Variants in SEMA6D observed in about 807,000 individuals in gnomAD.
SEMA6D encodes semaphorin-6D.
In SEMA6D, 35 loss-of-function variants were observed where a neutral mutation model predicts 106.6. That is an observed-to-expected ratio of 0.33 (90% CI 0.25 to 0.44). The LOEUF (loss-of-function observed/expected upper bound fraction) is 0.44. Among genes scored for constraint, SEMA6D ranks in the 20% least tolerant of loss-of-function variants. SEMA6D has a pLI of 1.00. For synonymous variants in SEMA6D, 499 were observed against 487.7 expected, an observed-to-expected ratio of 1.02 and a Z score of -0.31; for missense variants, 1,185 against 1,345.9, an observed-to-expected ratio of 0.88 and a Z score of 1.87.
At chr15:47,448,574 C>G (rs914780306) in intron 2 of SEMA6D, among the ~76,000 whole-genome samples, 3 of 152,118 alleles carry the variant, frequency 2.0e-5, no homozygotes, top group Non-Finnish European at 4.4e-5. Context: ...ATCTATTTAT[C>G]ACAATATTTT....
intron 1 of SEMA6D, among the ~76,000 whole-genome samples, chr15:47,377,275 G>A (rs547581714): frequency 6.6e-6 from 1 of 152,188 alleles, no homozygotes; most frequent in Non-Finnish European, 1.5e-5. Flanking sequence ...CGAATGAAAT[G>A]ATTTCAGGGA....
At chr15:47,357,379 T>C (rs976014794) in intron 1 of SEMA6D, among the ~76,000 whole-genome samples, 8 of 152,008 alleles carry the variant, frequency 5.3e-5, no homozygotes, top group Non-Finnish European at 8.8e-5. Flanking sequence ...CTGTGCATTA[T>C]ATATTGGCAA....
intron 4 of SEMA6D, among the ~76,000 whole-genome samples, chr15:47,607,661 T>C (rs1408008824): frequency 6.6e-6 from 1 of 152,260 alleles, no homozygotes; most frequent in Non-Finnish European, 1.5e-5. Context: ...TTCAGCCCTC[T>C]GTTTTATAAA....
chr15:47,275,517 A>G (rs1354473198), intron 1 of SEMA6D, among the ~76,000 whole-genome samples: 1 of 151,882 alleles, frequency 6.6e-6, no homozygotes, highest in Non-Finnish European at 1.5e-5. Flanking sequence ...TTATTATTAT[A>G]TTTGTTTTGG....
intron 9 of SEMA6D, 36 bp from the exon 10 acceptor site, chr15:47,763,814 C>T (rs2023971416): frequency 3.2e-6 from 5 of 1,562,054 alleles, no homozygotes; most frequent in Middle Eastern, 2.2e-4. Flanking sequence ...TTTCCATGCT[C>T]ATAACCCCAT....
At chr15:47,281,992 C>A (rs1020609288) in intron 1 of SEMA6D, among the ~76,000 whole-genome samples, 1 of 152,088 alleles carries the variant, frequency 6.6e-6, no homozygotes, top group African/African-American at 2.4e-5. Flanking sequence ...TTACACTATA[C>A]CCTATCCTTC....
At chr15:47,495,164 G>C (rs957865218) in intron 3 of SEMA6D, among the ~76,000 whole-genome samples, 9 of 151,762 alleles carry the variant, frequency 5.9e-5, no homozygotes, top group Non-Finnish European at 1.2e-4. Context: ...ACTGGAAGTC[G>C]TTCTTATGGT....
chr15:47,519,867 A>G (rs1176088805), intron 3 of SEMA6D, among the ~76,000 whole-genome samples: 1 of 152,212 alleles, frequency 6.6e-6, no homozygotes, highest in Non-Finnish European at 1.5e-5. Context: ...TCTTGGGAGA[A>G]ATACATGGTG....
intron 3 of SEMA6D, among the ~76,000 whole-genome samples, chr15:47,595,387 C>T (rs2076514259): frequency 6.6e-6 from 1 of 152,186 alleles, no homozygotes; most frequent in Non-Finnish European, 1.5e-5. Flanking sequence ...TATAGATTCA[C>T]ATATGTTGAA....
At chr15:47,725,186 T>C (rs2079662654) in intron 1 of SEMA6D, among the ~76,000 whole-genome samples, 1 of 152,202 alleles carries the variant, frequency 6.6e-6, no homozygotes, top group Non-Finnish European at 1.5e-5. Flanking sequence ...AGTTGGACTC[T>C]AGGTGCTGCT....
intron 12 of SEMA6D, 32 bp from the exon 13 acceptor site, chr15:47,764,851 C>T: frequency 6.2e-7 from 1 of 1,613,464 alleles, no homozygotes. Flanking sequence ...CCGTTGGCCT[C>T]CCCTTCTGAT....
At chr15:47,748,620 T>A (rs1218435254) in intron 1 of SEMA6D, among the ~76,000 whole-genome samples, 1 of 152,326 alleles carries the variant, frequency 6.6e-6, no homozygotes, top group East Asian at 1.9e-4. Flanking sequence ...TAGACAGTTT[T>A]CAGGAAGGAC....
intron 1 of SEMA6D, among the ~76,000 whole-genome samples, chr15:47,289,620 A>G (rs1474929257): frequency 6.6e-6 from 1 of 152,054 alleles, no homozygotes; most frequent in African/African-American, 2.4e-5. Context: ...TGTTGTTTCT[A>G]TAGAAGTGGA....
intron 4 of SEMA6D, among the ~76,000 whole-genome samples, chr15:47,691,455 A>T (rs1410981512): frequency 6.6e-6 from 1 of 152,192 alleles, no homozygotes; most frequent in African/African-American, 2.4e-5. Context: ...TGTTAGTCTC[A>T]TGATGAAATG....
At chr15:47,703,114 C>T (rs200685097) in intron 4 of SEMA6D, among the ~76,000 whole-genome samples, 2 of 152,118 alleles carry the variant, frequency 1.3e-5, no homozygotes, top group African/African-American at 2.4e-5. Flanking sequence ...CAAATTTCCA[C>T]GTACGACTTT....
chr15:47,191,150 A>G (rs66992977), intron 1 of SEMA6D, among the ~76,000 whole-genome samples: 65,691 of 151,480 alleles, frequency 0.43, 15,561 homozygotes, highest in Middle Eastern at 0.55. Flanking sequence ...CTCTAGCCTG[A>G]GCAACAGAGT....
chr15:47,699,929 A>T (rs148613736), intron 4 of SEMA6D, among the ~76,000 whole-genome samples: 1 of 152,366 alleles, frequency 6.6e-6, no homozygotes, highest in African/African-American at 2.4e-5. Flanking sequence ...AATTATAACA[A>T]GGTTGCAGGA....
At chr15:47,451,208 G>C (rs2042182071) in intron 2 of SEMA6D, among the ~76,000 whole-genome samples, 1 of 152,040 alleles carries the variant, frequency 6.6e-6, no homozygotes. Flanking sequence ...GATTTTACCT[G>C]AACACCAAGT....
At chr15:47,762,381 C>A in intron 8 of SEMA6D, 62 bp downstream of exon 8, 1 of 1,576,446 alleles carries the variant, frequency 6.3e-7, no homozygotes, top group Non-Finnish European at 8.6e-7. Flanking sequence ...GTGGGGACAG[C>A]AGCCACGGCC....
Sources: allele counts gnomAD v4.1 joint callset (sites outside exome capture counted in the v4.1 genomes callset), GRCh38; gene constraint gnomAD v4.1.1; transcripts MANE v1.5; gene names NCBI Gene and HGNC (gene_info 2026-07-23, HGNC 2026-07-21).